Variants in CBR4 observed in about 807,000 individuals in gnomAD.
CBR4 encodes carbonyl reductase 4.
Under a neutral mutation model 21.0 loss-of-function variants are expected in CBR4, and 22 were observed. The ratio of observed to expected loss-of-function variants is 1.05; its 90% CI spans 0.75 to 1.50. The LOEUF (loss-of-function observed/expected upper bound fraction) is 1.50, where lower values mean the gene tolerates loss of function less well. CBR4 is among the 40% of genes most tolerant of loss of function. The probability of loss-of-function intolerance (pLI) is 0.00; values close to 1 mark genes in which losing one functional copy is unlikely to be tolerated. For missense variants in CBR4, 302 were observed against 286.3 expected (o/e 1.05, Z -0.40); for synonymous variants, 100 against 104.4 (o/e 0.96, Z 0.26).
chr4:168,896,867 T>C (rs1755301625), intron 2 of CBR4, among the ~76,000 whole-genome samples: 1 of 152,156 alleles, frequency 6.6e-6, no homozygotes, highest in Admixed American at 6.6e-5. Context: ...GTTTCGCTCT[T>C]GTTGCCCAGG....
At chr4:169,005,212 A>C (rs1294040521) in intron 3 of CBR4, 1 of 152,222 alleles carries the variant, frequency 6.6e-6, no homozygotes, top group Non-Finnish European at 1.5e-5. Flanking sequence ...AGACACAAAA[A>C]AAGAAAAATA....
At position 168,930,426 on chromosome 4, in the gene CBR4, A is replaced by G. The variant is rs183392161; in HGVS notation, n.170-35661T>C. On this transcript the variant is annotated intron_variant and non_coding_transcript_variant, in intron 2 of 3. Coordinates refer to the CBR4 transcript ENST00000509108. ...TAATTAATTCATACAATGAAATATT[A>G]CTTACTATTCAGAGTTAAAGGTAAA... Among the ~76,000 whole-genome samples the G allele has an allele frequency of 7.2e-5, 11 of 152,336 alleles. No individual in the cohort carries two copies. The East Asian group carries it at 2.1e-3, about 29-fold the overall frequency.
intron 2 of CBR4, among the ~76,000 whole-genome samples, chr4:168,975,429 GC>G: frequency 6.6e-6 from 1 of 152,338 alleles, no homozygotes; most frequent in East Asian, 1.9e-4. Context: ...CCTCTAGTTA[GC>G]TAGGGTGTGC....
chr4:169,009,313 A>C (rs1731190433), intron 1 of CBR4, among the ~76,000 whole-genome samples: 1 of 152,248 alleles, frequency 6.6e-6, no homozygotes, highest in African/African-American at 2.4e-5. Context: ...AATGCAATAA[A>C]AAAGAATTTG....
chr4:168,992,514 T>C (rs147046455), intron 4 of CBR4, among the ~76,000 whole-genome samples: 1 of 152,176 alleles, frequency 6.6e-6, no homozygotes, highest in East Asian at 1.9e-4. Context: ...AATAAATGAA[T>C]AAGATAAAAA....
At chr4:168,896,272 C>T (rs1183239764) in intron 2 of CBR4, among the ~76,000 whole-genome samples, 2 of 151,598 alleles carry the variant, frequency 1.3e-5, no homozygotes, top group Non-Finnish European at 2.9e-5. Context: ...TTAGCCTAGT[C>T]TATCTTAAAT....
intron 4 of CBR4, among the ~76,000 whole-genome samples, chr4:168,994,014 G>C (rs1765055839): frequency 6.6e-6 from 1 of 152,146 alleles, no homozygotes; most frequent in Admixed American, 6.5e-5. Context: ...TAACACAGCA[G>C]CACTAGAGGA....
intron 2 of CBR4, chr4:168,925,289 G>A: frequency 6.3e-7 from 1 of 1,592,874 alleles, no homozygotes; most frequent in Non-Finnish European, 8.6e-7. Context: ...GTATCATTCA[G>A]GAACTTTGAA....
chr4:168,988,385 T>C lies in CBR4; in HGVS notation c.*1765A>G. On this transcript the variant is annotated 3_prime_UTR_variant, in exon 5 of 5. Coordinates refer to ENST00000306193, the MANE Select transcript of CBR4 (RefSeq NM_032783.5). ...ACATCTTAATGTCAGCAAAACATAC[T>C]GCTTTCTACCCAAATCACCAATTGA... is the stretch of plus-strand genomic sequence containing the variant. 1.0e-6 allele frequency: 1 copy of C among 985,460 alleles called. No homozygotes were observed. The highest frequency in any genetic ancestry group is 1.2e-6 in the Non-Finnish European group (1 of 829,934). 61.0% of individuals were successfully genotyped at this position (985,460 alleles called of 1,614,324 possible). A position where few individuals can be genotyped will look rare whatever the true frequency, so the allele number is the denominator to read the frequency against.
At chr4:168,950,076 C>A (rs1763498343) in intron 2 of CBR4, among the ~76,000 whole-genome samples, 1 of 151,996 alleles carries the variant, frequency 6.6e-6, no homozygotes. Context: ...CTTTTTGTTT[C>A]ATTTATCTTT....
intron 4 of CBR4, among the ~76,000 whole-genome samples, chr4:168,996,677 G>T (rs1254521804): frequency 1.3e-5 from 2 of 152,108 alleles, no homozygotes; most frequent in African/African-American, 4.8e-5. Flanking sequence ...AGACAGAATA[G>T]TTTTACTGCC....
chr4:168,900,261 G>C (rs1756216844), intron 2 of CBR4, among the ~76,000 whole-genome samples: 2 of 152,268 alleles, frequency 1.3e-5, no homozygotes, highest in South Asian at 4.1e-4. Flanking sequence ...ATTTCAGCAT[G>C]AGATTTGGAG....
chr4:168,967,095 T>G (rs1236814536), intron 2 of CBR4, among the ~76,000 whole-genome samples: 1 of 152,010 alleles, frequency 6.6e-6, no homozygotes, highest in Non-Finnish European at 1.5e-5. Context: ...AGCAAAGACT[T>G]GGACCCAACC....
At chr4:168,956,597 C>CAAAAAAAAAA (rs59962690) in intron 2 of CBR4, among the ~76,000 whole-genome samples, 3 of 29,708 alleles carry the variant, frequency 1.0e-4, no homozygotes, top group Non-Finnish European at 1.9e-4. Context: ...GACCCTGTCT[C>CAAAAAAAAAA]AAAAAAAAAA....
intron 4 of CBR4, 155 bp downstream of exon 4, chr4:169,001,916 A>G: frequency 1.5e-6 from 1 of 658,274 alleles, no homozygotes; most frequent in South Asian, 3.3e-5. Flanking sequence ...TGAGGTACAA[A>G]AAATTTTTTT....
intron 2 of CBR4, chr4:168,921,648 G>A (rs1012809581): frequency 6.2e-7 from 1 of 1,610,452 alleles, no homozygotes; most frequent in East Asian, 2.2e-5. Flanking sequence ...TCTGATCATA[G>A]AGCCAGTCAC....
intron 3 of CBR4, among the ~76,000 whole-genome samples, chr4:169,006,553 C>T (rs1730926471): frequency 6.6e-6 from 1 of 152,170 alleles, no homozygotes; most frequent in Non-Finnish European, 1.5e-5. Context: ...AGTGGTGTCA[C>T]TCATTTAACA....
chr4:169,006,980 C>A, intron 2 of CBR4, 89 bp from the exon 3 acceptor site: 1 of 1,006,812 alleles, frequency 9.9e-7, no homozygotes, highest in Non-Finnish European at 1.5e-6. Flanking sequence ...ACTGAGAGTG[C>A]AAGAAGTGCT....
At chr4:168,991,695 A>T (rs1374897534) in intron 4 of CBR4, among the ~76,000 whole-genome samples, 1 of 152,228 alleles carries the variant, frequency 6.6e-6, no homozygotes, top group African/African-American at 2.4e-5. Context: ...TTAATACAGG[A>T]CATACAAATA....
Sources: gnomAD v4.1 joint callset for allele counts (sites outside exome capture counted in the v4.1 genomes callset) on GRCh38, gnomAD v4.1.1 for gene constraint, MANE v1.5 for transcripts, NCBI Gene and HGNC (gene_info 2026-07-23, HGNC 2026-07-21) for gene names.